SMYD3: variants seen among roughly 807,000 people sequenced by gnomAD.
SMYD3 encodes the protein SET and MYND domain containing 3, also known as histone-lysine N-methyltransferase SMYD3.
SMYD3 carries 36 observed loss-of-function variants against 57.7 expected under a neutral mutation model. The observed-to-expected ratio is 0.62, with a 90% confidence interval of 0.48 to 0.82. SMYD3 has a LOEUF of 0.82. SMYD3 is among the 40% of genes least tolerant of loss of function. The pLI is 0.00. For synonymous variants in SMYD3, 211 were observed against 195.0 expected, an observed-to-expected ratio of 1.08 and a Z score of -0.68; for missense variants, 515 against 538.8, an observed-to-expected ratio of 0.96 and a Z score of 0.44.
chr1:245,988,184 T>TC (rs2058742982), intron 5 of SMYD3, among the ~76,000 whole-genome samples: 2 of 151,352 alleles, frequency 1.3e-5, no homozygotes, highest in Non-Finnish European at 2.9e-5. Context: ...TACACAAGCC[T>TC]CCCCTGCCCA....
intron 3 of SMYD3, among the ~76,000 whole-genome samples, chr1:246,334,405 T>C (rs2065509014): frequency 6.6e-6 from 1 of 152,166 alleles, no homozygotes; most frequent in Non-Finnish European, 1.5e-5. Flanking sequence ...TCATGTCTTT[T>C]GGAGCAACAT....
chr1:246,311,268 C>T (rs1240301810), intron 5 of SMYD3, among the ~76,000 whole-genome samples: 2 of 152,142 alleles, frequency 1.3e-5, no homozygotes, highest in African/African-American at 4.8e-5. Context: ...CAAGATTCTC[C>T]TTGCTGACTC....
chr1:245,930,111 C>T, intron 5 of SMYD3, 174 bp from the exon 6 acceptor site: 1 of 637,026 alleles, frequency 1.6e-6, no homozygotes, highest in Non-Finnish European at 2.9e-6. Flanking sequence ...CTGGGATATA[C>T]TCCCCCTAAA....
intron 5 of SMYD3, among the ~76,000 whole-genome samples, chr1:246,314,919 C>G (rs2065133011): frequency 6.6e-6 from 1 of 152,168 alleles, no homozygotes; most frequent in Non-Finnish European, 1.5e-5. Context: ...GAAAGGTTGT[C>G]TGTAATTTAA....
chr1:246,183,061 T>A (rs2062579277), intron 5 of SMYD3, among the ~76,000 whole-genome samples: 1 of 152,188 alleles, frequency 6.6e-6, no homozygotes. Flanking sequence ...AGTCTATTTT[T>A]GGCTTTTATC....
chr1:246,307,860 G>A (rs888261669), intron 5 of SMYD3, among the ~76,000 whole-genome samples: 4 of 152,154 alleles, frequency 2.6e-5, no homozygotes, highest in Non-Finnish European at 1.5e-5. Flanking sequence ...AGGCACGTCC[G>A]TCAAGCATGA....
intron 5 of SMYD3, among the ~76,000 whole-genome samples, chr1:246,152,283 T>C (rs2061952839): frequency 6.6e-6 from 1 of 151,822 alleles, no homozygotes; most frequent in South Asian, 2.1e-4. Context: ...GGGAAGAGAG[T>C]GTTTGTTAAC....
chr1:245,981,648 C>A (rs1430513127), intron 5 of SMYD3, among the ~76,000 whole-genome samples: 1 of 152,106 alleles, frequency 6.6e-6, no homozygotes, highest in Admixed American at 6.5e-5. Flanking sequence ...AAGAAAAAGT[C>A]CAATCTATCC....
chr1:246,327,489 A>C, intron 4 of SMYD3, 152 bp from the exon 5 acceptor site: 1 of 739,106 alleles, frequency 1.4e-6, no homozygotes, highest in Non-Finnish European at 2.1e-6. Context: ...TCTTTTGACA[A>C]CTAAATATGA....
At chr1:246,423,248 G>A (rs2067169860) in intron 1 of SMYD3, among the ~76,000 whole-genome samples, 1 of 148,322 alleles carries the variant, frequency 6.7e-6, no homozygotes, top group Non-Finnish European at 1.5e-5. Context: ...AGTGAGCCGA[G>A]ATCGCGCCAC....
intron 10 of SMYD3, among the ~76,000 whole-genome samples, chr1:245,767,282 G>A (rs1316299): frequency 0.1 from 15,526 of 152,144 alleles, 907 homozygotes; most frequent in Admixed American, 0.17. Flanking sequence ...GAGGACTAAA[G>A]CAGGAGTCTG....
intron 8 of SMYD3, among the ~76,000 whole-genome samples, chr1:245,913,184 A>T (rs1481614458): frequency 3.3e-5 from 5 of 152,108 alleles, no homozygotes; most frequent in Non-Finnish European, 7.4e-5. Context: ...ATGCAGCCAT[A>T]AAAAAGGATG....
chr1:246,044,309 A>G (rs1429903821), intron 5 of SMYD3, among the ~76,000 whole-genome samples: 1 of 152,218 alleles, frequency 6.6e-6, no homozygotes, highest in East Asian at 1.9e-4. Flanking sequence ...ATGTCCATAC[A>G]CACCAAAATA....
intron 3 of SMYD3, 118 bp downstream of exon 3, chr1:246,335,249 T>C (rs555112461): frequency 1.2e-6 from 1 of 862,980 alleles, no homozygotes; most frequent in Non-Finnish European, 1.8e-6. Context: ...TTGCAATATT[T>C]GCTTTATTGT....
intron 8 of SMYD3, among the ~76,000 whole-genome samples, 175 bp downstream of exon 8, chr1:245,915,355 T>C (rs2055328354): frequency 6.6e-6 from 1 of 152,160 alleles, no homozygotes; most frequent in South Asian, 2.1e-4. Flanking sequence ...GCTTGGTGGG[T>C]GACAAAAGTT....
chr1:246,055,911 A>G (rs2060143256), intron 5 of SMYD3, among the ~76,000 whole-genome samples: 1 of 152,206 alleles, frequency 6.6e-6, no homozygotes, highest in African/African-American at 2.4e-5. Context: ...GGATGATGAA[A>G]AAGAGTTCTG....
chr1:246,050,551 G>A (rs2060049593), intron 5 of SMYD3, among the ~76,000 whole-genome samples: 1 of 152,158 alleles, frequency 6.6e-6, no homozygotes, highest in Non-Finnish European at 1.5e-5. Flanking sequence ...CAACGTAAAT[G>A]GTGAGGTCAT....
chr1:245,989,406 C>A (rs2058770495), intron 5 of SMYD3, among the ~76,000 whole-genome samples: 3 of 152,194 alleles, frequency 2.0e-5, no homozygotes, highest in Admixed American at 1.3e-4. Flanking sequence ...AGGCTGTGTG[C>A]ACTTTGAAGA....
chr1:246,365,147 A>G (rs1477611765), intron 1 of SMYD3, among the ~76,000 whole-genome samples: 2 of 152,176 alleles, frequency 1.3e-5, no homozygotes, highest in Admixed American at 1.3e-4. Flanking sequence ...CTCTAAGGAA[A>G]AAATGACCCA....
Sources: allele counts gnomAD v4.1 joint callset (sites outside exome capture counted in the v4.1 genomes callset), GRCh38; gene constraint gnomAD v4.1.1; transcripts MANE v1.5; gene names NCBI Gene and HGNC (gene_info 2026-07-23, HGNC 2026-07-21).